The following CCDC13 variants were observed in gnomAD, a reference collection of about 807,000 sequenced individuals.
CCDC13 encodes coiled-coil domain-containing protein 13.
In CCDC13, 70 loss-of-function variants were observed where a neutral mutation model predicts 87.3. That is an observed-to-expected ratio of 0.80 (90% CI 0.66 to 0.98). The LOEUF (loss-of-function observed/expected upper bound fraction) is 0.98. Ranked by LOEUF, CCDC13 falls within the 50% of genes least tolerant of loss-of-function variation. The pLI is 0.00. For missense variants in CCDC13, 842 were observed against 892.0 expected (o/e 0.94, Z 0.71); for synonymous variants, 317 against 360.3 (o/e 0.88, Z 1.36).
intron 13 of CCDC13, among the ~76,000 whole-genome samples, chr3:42,728,722 A>G (rs1487565600): frequency 6.6e-6 from 1 of 152,136 alleles, no homozygotes; most frequent in Non-Finnish European, 1.5e-5. Flanking sequence ...GGACTTAGCA[A>G]TAACCTCAAG....
chr3:42,767,332 A>G (rs1447885528), intron 1 of CCDC13, among the ~76,000 whole-genome samples: 1 of 152,252 alleles, frequency 6.6e-6, no homozygotes, highest in Non-Finnish European at 1.5e-5. Context: ...TAACACAAAC[A>G]TTGAAATACT....
chr3:42,711,348 G>A (rs1698310220), intron 14 of CCDC13, among the ~76,000 whole-genome samples: 1 of 152,120 alleles, frequency 6.6e-6, no homozygotes, highest in South Asian at 2.1e-4. Context: ...CCTCAGAGGT[G>A]GTGTGACCCA....
chr3:42,727,906 T>G lies in CCDC13; in HGVS notation c.1718+2561A>C, dbSNP rs80018516. Among the ~76,000 whole-genome samples the G allele has an allele frequency of 7.6e-4, 116 of 152,238 alleles. 3 individuals carry two copies. In the East Asian group the frequency reaches 0.02, roughly 27 times the overall value. Reference sequence around the variant, plus strand: ...GAAAAAAAGGAACAAAGAAAAATCATGGCAAATAGAAAATATTAATTAAAG... The same window carrying G: ...GAAAAAAAGGAACAAAGAAAAATCAGGGCAAATAGAAAATATTAATTAAAG... On this transcript the variant is annotated intron_variant, in intron 13 of 15. Transcript: ENST00000310232.
At chr3:42,725,344 T>A (rs1273476644) in intron 13 of CCDC13, among the ~76,000 whole-genome samples, 1 of 151,948 alleles carries the variant, frequency 6.6e-6, no homozygotes, top group Admixed American at 6.6e-5. Flanking sequence ...CCCATAAAAA[T>A]GTAAAGATGC....
intron 13 of CCDC13, among the ~76,000 whole-genome samples, chr3:42,714,327 G>A (rs1003532275): frequency 2.6e-5 from 4 of 152,178 alleles, no homozygotes; most frequent in Non-Finnish European, 4.4e-5. Context: ...ATAACAGCAG[G>A]GAGCAAAGGG....
At chr3:42,739,531 G>A (rs1699142123) in intron 9 of CCDC13, 103 bp downstream of exon 9, 1 of 1,281,176 alleles carries the variant, frequency 7.8e-7, no homozygotes, top group Non-Finnish European at 1.1e-6. Context: ...GGTTACACAG[G>A]TGGCATTGAG....
At chr3:42,767,711 C>T (rs1699959223) in intron 1 of CCDC13, among the ~76,000 whole-genome samples, 2 of 152,176 alleles carry the variant, frequency 1.3e-5, no homozygotes, top group South Asian at 4.1e-4. Context: ...TGGCTCACAC[C>T]TGTAATCCCA....
rs1698181308 is a variant in CCDC13, at chr3:42,706,435, G to T, written c.*2545C>A. 1 of 152,260 alleles carries T rather than the reference G, an allele frequency of 6.6e-6. No homozygotes were observed. The highest frequency in any genetic ancestry group is 2.1e-4 in the South Asian group (1 of 4,834). The allele number at this position is 152,260 out of a possible 1,614,324, so 9.4% of individuals were successfully genotyped here. ...TTTATCTCAGTGAACCCTGCAGAGG[G>T]TTCCAATGAGGGAATGGAGCAGACC... On this transcript the variant is annotated 3_prime_UTR_variant, in exon 16 of 16. Transcript: ENST00000310232.
chr3:42,758,088 CACACACA>C, intron 2 of CCDC13, 30 bp downstream of exon 2: 1 of 1,559,348 alleles, frequency 6.4e-7, no homozygotes, highest in Middle Eastern at 1.9e-4. Flanking sequence ...CACACACACA[CACACACA>C]CCCCTGAGAG....
chr3:42,735,920 G>A lies in CCDC13; in HGVS notation c.1165-7C>T. 1.2e-6 allele frequency: 2 copies of A among 1,611,352 alleles called. No individual in the cohort carries two copies. Among genetic ancestry groups the A allele is most frequent in the Non-Finnish European group, 1.7e-6 (2 of 1,178,930 alleles). On this transcript the variant is annotated splice_polypyrimidine_tract_variant and splice_region_variant and intron_variant, in intron 9 of 15. Transcript: ENST00000310232. Reference sequence around the variant, plus strand: ...GTAGCTGCTTCAGCTGGTCCTGGGGGGCCAGGCAGGAGGGCAGGTGGAGTC... The same window carrying A: ...GTAGCTGCTTCAGCTGGTCCTGGGGAGCCAGGCAGGAGGGCAGGTGGAGTC...
intron 5 of CCDC13, 30 bp from the exon 6 acceptor site, chr3:42,747,403 T>G: frequency 7.0e-7 from 1 of 1,438,222 alleles, no homozygotes; most frequent in Non-Finnish European, 9.8e-7. Context: ...GAGAAAGTAG[T>G]CATTTATTGC....
intron 13 of CCDC13, among the ~76,000 whole-genome samples, chr3:42,727,757 C>T (rs1380305259): frequency 6.6e-6 from 1 of 152,064 alleles, no homozygotes; most frequent in Non-Finnish European, 1.5e-5. Flanking sequence ...CTTTAGATTG[C>T]TGAGTTTGAT....
intron 1 of CCDC13, among the ~76,000 whole-genome samples, chr3:42,769,468 A>G (rs1449879648): frequency 6.6e-6 from 1 of 152,258 alleles, no homozygotes; most frequent in African/African-American, 2.4e-5. Context: ...TCCAGTGATC[A>G]TATTTACCTA....
chr3:42,765,404 T>C (rs915621061), intron 1 of CCDC13, among the ~76,000 whole-genome samples: 8 of 152,108 alleles, frequency 5.3e-5, no homozygotes, highest in African/African-American at 1.9e-4. Context: ...AGGGTGTCTA[T>C]TTTTATTTTT....
chr3:42,731,263 T>C (rs1698823397), intron 12 of CCDC13, among the ~76,000 whole-genome samples: 1 of 151,458 alleles, frequency 6.6e-6, no homozygotes, highest in East Asian at 1.9e-4. Context: ...GTACAGGGCA[T>C]AGGGAAGGCT....
rs568396172 is a variant in CCDC13 at position 42,771,627 on chromosome 3, T to C, written c.-7+1549A>G. Among the ~76,000 whole-genome samples the C allele has an allele frequency of 2.6e-3, 394 of 152,190 alleles. 3 individuals carry two copies. Among genetic ancestry groups the C allele is most frequent in the Non-Finnish European group, 4.6e-3 (311 of 67,986 alleles). The stretch of plus-strand genomic sequence containing the variant: ...AAAATTAGCTGGGCATGGTGGCATG[T>C]GCCTGTGTTCCCAGTTACTCAGGAG... On this transcript the variant is annotated intron_variant, in intron 1 of 15. Transcript: ENST00000310232.
At chr3:42,723,459 C>T (rs1191281001) in intron 13 of CCDC13, among the ~76,000 whole-genome samples, 1 of 152,178 alleles carries the variant, frequency 6.6e-6, no homozygotes, top group Non-Finnish European at 1.5e-5. Flanking sequence ...ACCATATTCA[C>T]AGGTTCTGCC....
intron 10 of CCDC13, 147 bp downstream of exon 10, chr3:42,735,560 G>T: frequency 2.6e-6 from 2 of 763,428 alleles, no homozygotes; most frequent in Non-Finnish European, 4.5e-6. Context: ...AGAATGGGTT[G>T]GGGAGCCAGA....
intron 13 of CCDC13, among the ~76,000 whole-genome samples, chr3:42,726,455 A>G (rs1015858800): frequency 3.9e-5 from 6 of 152,210 alleles, no homozygotes; most frequent in Non-Finnish European, 8.8e-5. Context: ...AATCACCCAG[A>G]ATTCAGCCCA....
Sources: allele counts gnomAD v4.1 joint callset (sites outside exome capture counted in the v4.1 genomes callset), GRCh38; gene constraint gnomAD v4.1.1; transcripts MANE v1.5; gene names NCBI Gene and HGNC (gene_info 2026-07-23, HGNC 2026-07-21).